The following FAM193A variants were observed in gnomAD, a reference collection of about 807,000 sequenced individuals.
FAM193A encodes protein FAM193A.
Under a neutral mutation model 126.5 loss-of-function variants are expected in FAM193A, and 22 were observed. The observed-to-expected ratio is 0.17, with a 90% CI of 0.12 to 0.25. The LOEUF (loss-of-function observed/expected upper bound fraction) is 0.25, where lower values mean the gene tolerates loss of function less well. Among genes scored for constraint, FAM193A ranks in the 10% least tolerant of loss-of-function variants. The pLI is 1.00. For synonymous variants in FAM193A, 761 were observed against 646.8 expected (o/e 1.18, Z -2.68); for missense variants, 1,675 against 1,672.8 (o/e 1.00, Z -0.02).
At chr4:2,700,606 C>G in intron 19 of FAM193A, 62 bp downstream of exon 19, 1 of 1,550,370 alleles carries the variant, frequency 6.5e-7, no homozygotes, top group East Asian at 2.2e-5. Flanking sequence ...GTGTGATGTG[C>G]TAGTATAGGA....
chr4:2,552,303 G>A (rs1179235571), intron 1 of FAM193A, among the ~76,000 whole-genome samples: 2 of 52,198 alleles, frequency 3.8e-5, no homozygotes, highest in African/African-American at 6.6e-5. Context: ...GAGCCACCGC[G>A]CCCGGCTGAT....
chr4:2,712,094 T>TA (rs1341999642), intron 19 of FAM193A, among the ~76,000 whole-genome samples: 3 of 152,176 alleles, frequency 2.0e-5, no homozygotes, highest in Non-Finnish European at 4.4e-5. Context: ...AACCTATTGA[T>TA]ACTTTCTGAG....
chr4:2,610,649 A>G (rs1260545531), intron 2 of FAM193A, among the ~76,000 whole-genome samples: 1 of 152,192 alleles, frequency 6.6e-6, no homozygotes, highest in Non-Finnish European at 1.5e-5. Context: ...TGGATAAACC[A>G]CAATTTGTTT....
intron 1 of FAM193A, among the ~76,000 whole-genome samples, chr4:2,588,965 G>A (rs573790439): frequency 6.6e-6 from 1 of 152,134 alleles, no homozygotes; most frequent in East Asian, 1.9e-4. Context: ...AAGCTGTTTT[G>A]CCCTTTTGCT....
chr4:2,611,261 CTATTTATTTATT>C (rs527253867), intron 2 of FAM193A, among the ~76,000 whole-genome samples: 198 of 151,422 alleles, frequency 1.3e-3, no homozygotes, highest in Non-Finnish European at 2.3e-3. Flanking sequence ...TCTGCATTTT[CTATTTATTTATT>C]TATTTATTTA....
intron 1 of FAM193A, among the ~76,000 whole-genome samples, chr4:2,589,409 T>G (rs1378992474): frequency 2.0e-5 from 3 of 152,196 alleles, no homozygotes; most frequent in Admixed American, 2.0e-4. Context: ...AAGTAAATCC[T>G]TCAGAGTTCA....
intron 1 of FAM193A, among the ~76,000 whole-genome samples, chr4:2,544,634 G>T (rs934774024): frequency 2.6e-5 from 4 of 152,014 alleles, no homozygotes; most frequent in African/African-American, 9.7e-5. Flanking sequence ...AACCCAGGAG[G>T]CAGAGGTTGC....
chr4:2,729,987 C>T (rs866910366), intron 20 of FAM193A, among the ~76,000 whole-genome samples: 2 of 152,158 alleles, frequency 1.3e-5, no homozygotes, highest in African/African-American at 4.8e-5. Context: ...CTCACTGCAG[C>T]CTTGACCTCC....
At chr4:2,688,230 C>G (rs1020959588) in intron 13 of FAM193A, among the ~76,000 whole-genome samples, 7 of 152,082 alleles carry the variant, frequency 4.6e-5, no homozygotes, top group African/African-American at 1.4e-4. Context: ...GAAAGGCAGA[C>G]ATCAAACCAA....
intron 20 of FAM193A, among the ~76,000 whole-genome samples, chr4:2,725,292 A>C (rs1577282428): frequency 6.6e-6 from 1 of 152,046 alleles, no homozygotes; most frequent in African/African-American, 2.4e-5. Flanking sequence ...TACAAAAAGT[A>C]AAATCAGCTG....
chr4:2,541,217 A>G (rs1420566905), intron 1 of FAM193A, among the ~76,000 whole-genome samples: 1 of 151,712 alleles, frequency 6.6e-6, no homozygotes, highest in East Asian at 2.0e-4. Flanking sequence ...TTGTCATGCC[A>G]GCTACTCTGG....
chr4:2,569,197 G>T (rs1361353123), intron 1 of FAM193A, among the ~76,000 whole-genome samples: 1 of 151,724 alleles, frequency 6.6e-6, no homozygotes, highest in South Asian at 2.1e-4. Flanking sequence ...TCTCGAACTC[G>T]TGAGCTCAGG....
chr4:2,551,680 A>G (rs1196143936), intron 1 of FAM193A, among the ~76,000 whole-genome samples: 1 of 151,954 alleles, frequency 6.6e-6, no homozygotes, highest in Non-Finnish European at 1.5e-5. Flanking sequence ...CTTCCTTGCC[A>G]GTCTTAATAG....
chr4:2,613,430 ATTAG>A (rs973191675), intron 2 of FAM193A, among the ~76,000 whole-genome samples: 4 of 95,526 alleles, frequency 4.2e-5, no homozygotes, highest in African/African-American at 1.6e-4. Flanking sequence ...AAACTCATTT[ATTAG>A]TTCTATGGGC....
At chr4:2,587,553 A>G (rs185455794) in intron 1 of FAM193A, among the ~76,000 whole-genome samples, 1 of 151,462 alleles carries the variant, frequency 6.6e-6, no homozygotes, top group East Asian at 1.9e-4. Context: ...TTAGTTGGGC[A>G]TGGTGGTGCA....
intron 13 of FAM193A, among the ~76,000 whole-genome samples, chr4:2,680,451 C>A (rs181954611): frequency 2.8e-3 from 423 of 152,158 alleles, no homozygotes; most frequent in African/African-American, 7.7e-3. Context: ...CCCCCAATAG[C>A]TGGGATTACA....
intron 2 of FAM193A, among the ~76,000 whole-genome samples, chr4:2,613,416 G>C (rs948947618): frequency 8.0e-5 from 10 of 125,026 alleles, no homozygotes; most frequent in Non-Finnish European, 1.1e-4. Flanking sequence ...CATGTGTACT[G>C]TAAAAACTCA....
chr4:2,618,033 T>A (rs1306899110), intron 2 of FAM193A, among the ~76,000 whole-genome samples: 1 of 152,224 alleles, frequency 6.6e-6, no homozygotes, highest in East Asian at 1.9e-4. Context: ...AAGATATTTC[T>A]GTTTGGAATT....
intron 5 of FAM193A, among the ~76,000 whole-genome samples, chr4:2,632,860 T>C (rs996701916): frequency 1.3e-5 from 2 of 152,070 alleles, no homozygotes; most frequent in African/African-American, 2.4e-5. Flanking sequence ...CCAGAGCCCC[T>C]CCTCTGTCTT....
Sources: allele counts gnomAD v4.1 joint callset (sites outside exome capture counted in the v4.1 genomes callset), GRCh38; gene constraint gnomAD v4.1.1; transcripts MANE v1.5; gene names NCBI Gene and HGNC (gene_info 2026-07-23, HGNC 2026-07-21).